The following SPTAN1 variants were observed in gnomAD, a reference collection of about 807,000 sequenced individuals.
SPTAN1 encodes spectrin alpha, non-erythrocytic 1, also known as spectrin alpha chain, non-erythrocytic 1.
SPTAN1 carries 61 observed loss-of-function variants against 331.3 expected under a neutral mutation model. The ratio of observed to expected loss-of-function variants is 0.18; its 90% CI spans 0.15 to 0.23. SPTAN1 has a LOEUF of 0.23. SPTAN1 is among the 10% of genes least tolerant of loss of function. The pLI is 1.00. For synonymous variants in SPTAN1, 1,153 were observed against 1,173.9 expected (o/e 0.98, Z 0.36); for missense variants, 2,043 against 3,147.9 (o/e 0.65, Z 8.40).
chr9:128,576,038 T>C (rs1037901386), intron 5 of SPTAN1, among the ~76,000 whole-genome samples: 20 of 152,168 alleles, frequency 1.3e-4, no homozygotes, highest in Non-Finnish European at 7.3e-5. Flanking sequence ...TACCCGGCAT[T>C]CCTCAGAAAT....
chr9:128,630,755 G>C, intron 52 of SPTAN1: 1 of 277,944 alleles, frequency 3.6e-6, no homozygotes, highest in South Asian at 3.8e-5. Flanking sequence ...CCAGGCTGGA[G>C]TGCAATGGAC....
intron 40 of SPTAN1, 49 bp downstream of exon 40, chr9:128,613,534 G>A (rs760625641): frequency 6.9e-7 from 1 of 1,449,730 alleles, no homozygotes; most frequent in Non-Finnish European, 9.7e-7. Flanking sequence ...ACACAGCTCT[G>A]CCTGACTCCT....
At chr9:128,609,065 C>T (rs1422024518) in intron 35 of SPTAN1, 57 bp from the exon 36 acceptor site, 3 of 1,614,030 alleles carry the variant, frequency 1.9e-6, no homozygotes, top group South Asian at 2.2e-5. Flanking sequence ...TGTCTCCCCA[C>T]TTCCTTCTCC....
chr9:128,575,284 A>G lies in SPTAN1; in HGVS notation c.590A>G (p.Asp197Gly). ...LQKKFEEFQT[D>G]MAAHEERVNE... ...AAGAAATTTGAAGAGTTTCAAACAGATATGGCTGCTCATGAAGAAAGAGTT... is the reference window on the plus strand; with the variant it reads ...AAGAAATTTGAAGAGTTTCAAACAGGTATGGCTGCTCATGAAGAAAGAGTT... The change falls in exon 5 of 57, where the codon GAT becomes GGT. Residue 197 changes from aspartate to glycine, a missense_variant. Asp to Gly is a moderately conservative substitution (Grantham distance 94). This residue lies in a region of SPTAN1 where 1,038 missense variants were observed against 1,531.5 expected (regional missense o/e 0.68). Transcript: ENST00000372739. The G allele has an allele frequency of 1.9e-6, 3 of 1,614,156 alleles. No homozygotes were observed. The highest frequency in any genetic ancestry group is 2.5e-6 in the Non-Finnish European group (3 of 1,180,044).
intron 32 of SPTAN1, 64 bp from the exon 33 acceptor site, chr9:128,607,788 C>A: frequency 6.2e-7 from 1 of 1,610,576 alleles, no homozygotes; most frequent in South Asian, 1.1e-5. Flanking sequence ...TGTGGTGAGT[C>A]GGTGGTTGAC....
At position 128,560,284 on chromosome 9, in the gene SPTAN1, G is replaced by A. The variant is rs1212553200; in HGVS notation, c.-3-6454G>A. On this transcript the variant is annotated intron_variant, in intron 1 of 56. Coordinates refer to ENST00000372739, the MANE Select transcript of SPTAN1 (RefSeq NM_001130438.3). ...ATTTTAATAGAGACGAGGTTCCACC[G>A]TGTTGCCCAGGCTTGTCTCGAACTC... Among the ~76,000 whole-genome samples, 30 of 151,236 alleles carry A rather than the reference G, an allele frequency of 2.0e-4. 1 individual carries two copies. The highest frequency in any genetic ancestry group is 2.0e-3 in the Admixed American group (30 of 15,182).
rs1849844206 is a variant in SPTAN1 at position 128,564,968 on chromosome 9, T to C, written c.-3-1770T>C. Among the ~76,000 whole-genome samples the C allele has an allele frequency of 2.0e-5, 3 of 152,282 alleles. No individual in the cohort carries two copies. In the East Asian group the frequency reaches 5.8e-4, roughly 29 times the overall value. On this transcript the variant is annotated intron_variant, in intron 1 of 56. Coordinates refer to ENST00000372739, the MANE Select transcript of SPTAN1 (RefSeq NM_001130438.3). Reference sequence around the variant, plus strand: ...TACCAGGCAGGCATGTTGGGCCAGATTGTGAAGGTCCTGCTCAAGAGGTGG... The same window carrying C: ...TACCAGGCAGGCATGTTGGGCCAGACTGTGAAGGTCCTGCTCAAGAGGTGG...
At chr9:128,611,896 T>C in intron 38 of SPTAN1, 51 bp downstream of exon 38, 1 of 1,613,500 alleles carries the variant, frequency 6.2e-7, no homozygotes. Flanking sequence ...CCACCGTCAC[T>C]GTCAACCTGA....
intron 27 of SPTAN1, among the ~76,000 whole-genome samples, chr9:128,602,406 G>A (rs191513085): frequency 2.6e-5 from 4 of 151,834 alleles, no homozygotes; most frequent in Admixed American, 6.6e-5. Flanking sequence ...TAGTAGAGAC[G>A]GGGTTTCGCC....
chr9:128,584,549 G>A, intron 17 of SPTAN1, 24 bp downstream of exon 17: 1 of 1,614,024 alleles, frequency 6.2e-7, no homozygotes, highest in South Asian at 1.1e-5. Context: ...CCTCAGGTAG[G>A]AATCAACTTG....
intron 24 of SPTAN1, 55 bp downstream of exon 24, chr9:128,594,428 G>GTTTTT: frequency 4.2e-5 from 25 of 600,604 alleles, no homozygotes; most frequent in Non-Finnish European, 6.2e-5. Flanking sequence ...TGAGTCTCTT[G>GTTTTT]ATTTTTTTTT....
chr9:128,577,084 G>A lies in SPTAN1; in HGVS notation c.786-45G>A, dbSNP rs1428854630. The stretch of plus-strand genomic sequence containing the variant: ...GTCCCATGGGGTGTTCCTAGTTCTA[G>A]GGAGTCATCATTGCTGTGGATTAAC... On this transcript the variant is annotated intron_variant, in intron 6 of 56. Coordinates refer to ENST00000372739, the MANE Select transcript of SPTAN1 (RefSeq NM_001130438.3). This position sits in a 1 kb window ranked among gnomAD's most constrained non-coding sequence, Gnocchi z 4.2. The A allele has an allele frequency of 6.2e-7, 1 of 1,614,008 alleles. No homozygotes were observed. Among genetic ancestry groups the A allele is most frequent in the Non-Finnish European group, 8.5e-7 (1 of 1,180,008 alleles).
chr9:128,554,782 A>G (rs556179611), intron 1 of SPTAN1, among the ~76,000 whole-genome samples: 15 of 152,354 alleles, frequency 9.8e-5, no homozygotes, highest in African/African-American at 3.1e-4. Context: ...ACTGGGGGCC[A>G]CTTGACTGGA....
At chr9:128,619,852 A>G (rs539987635) in intron 44 of SPTAN1, among the ~76,000 whole-genome samples, 15 of 152,184 alleles carry the variant, frequency 9.9e-5, no homozygotes, top group South Asian at 2.1e-4. Flanking sequence ...CTTACTTCCA[A>G]TGGATCTGTG....
intron 19 of SPTAN1, among the ~76,000 whole-genome samples, chr9:128,586,175 A>G (rs554971766): frequency 2.2e-4 from 28 of 124,998 alleles, no homozygotes; most frequent in East Asian, 1.7e-3. Flanking sequence ...CTGGACTGCA[A>G]TGTTACAATT....
intron 3 of SPTAN1, 91 bp downstream of exon 3, chr9:128,568,988 A>G (rs1329079527): frequency 1.3e-6 from 2 of 1,568,262 alleles, no homozygotes; most frequent in South Asian, 1.1e-5. Context: ...TCCCAAAAAG[A>G]TAGACTTTTC....
rs1857336747 is a variant in SPTAN1 at position 128,617,637 on chromosome 9, C to G, written c.5358-3C>G. On this transcript the variant is annotated splice_region_variant and splice_polypyrimidine_tract_variant and intron_variant, in intron 41 of 56. Transcript: ENST00000372739. ...ACTGTGCTGTTTCCCATCTCTCATTCAGGGAGAAGAAGCTGCTGGTGGGCT... is the reference window on the plus strand; with the variant it reads ...ACTGTGCTGTTTCCCATCTCTCATTGAGGGAGAAGAAGCTGCTGGTGGGCT... The G allele has an allele frequency of 6.2e-7, 1 of 1,614,166 alleles. No individual in the cohort carries two copies. The highest frequency in any genetic ancestry group is 1.3e-5 in the African/African-American group (1 of 75,046).
intron 22 of SPTAN1, among the ~76,000 whole-genome samples, chr9:128,591,916 T>A (rs1422733347): frequency 6.6e-5 from 10 of 152,248 alleles, no homozygotes; most frequent in Non-Finnish European, 1.2e-4. Flanking sequence ...GAAATTGGAT[T>A]TTCAGATACT....
chr9:128,573,946 G>C (rs534112706), intron 3 of SPTAN1, among the ~76,000 whole-genome samples: 1 of 152,028 alleles, frequency 6.6e-6, no homozygotes, highest in African/African-American at 2.4e-5. Flanking sequence ...GTAGAGATGG[G>C]GTTTCACCAT....
Sources: gnomAD v4.1 joint callset for allele counts (sites outside exome capture counted in the v4.1 genomes callset) on GRCh38, gnomAD v4.1.1 for gene constraint, gnomAD v4.1.1 regional missense constraint, Gnocchi (gnomAD v3.1) non-coding constraint, MANE v1.5 for transcripts, NCBI Gene and HGNC (gene_info 2026-07-23, HGNC 2026-07-21) for gene names.